The following CDK8 variants were observed in gnomAD, a reference collection of about 807,000 sequenced individuals.
CDK8 encodes the protein cyclin-dependent kinase 8.
CDK8 carries 29 observed loss-of-function variants against 71.5 expected under a neutral mutation model. The observed-to-expected ratio is 0.41, with a 90% CI of 0.30 to 0.55. CDK8 has a LOEUF of 0.55. Among genes scored for constraint, CDK8 ranks in the 20% least tolerant of loss-of-function variants. CDK8 has a pLI of 0.37. For missense variants in CDK8, 288 were observed against 572.6 expected (o/e 0.50, Z 5.07); for synonymous variants, 161 against 192.1 (o/e 0.84, Z 1.34).
chr13:26,348,978 G>C (rs558366471), intron 2 of CDK8, 94 bp from the exon 3 acceptor site: 1 of 781,354 alleles, frequency 1.3e-6, no homozygotes, highest in South Asian at 1.4e-5. Flanking sequence ...TTGTTTACCT[G>C]TGGGTTTGTA....
At chr13:26,322,355 C>CGCTG (rs2137949392) in intron 1 of CDK8, among the ~76,000 whole-genome samples, 2 of 152,228 alleles carry the variant, frequency 1.3e-5, no homozygotes, top group Admixed American at 1.3e-4. Context: ...TTGTGAGATT[C>CGCTG]GCTGGCTGCT....
At position 26,343,533 on chromosome 13, in the gene CDK8, A is replaced by G. The variant is rs192598834; in HGVS notation, c.205-5539A>G. ...TTCGCCCCAAATTCTTTCTTGTTCA[A>G]GGTCCCCCCAAAACAAAGATAAAAA... On this transcript the variant is annotated intron_variant, in intron 2 of 12. Coordinates refer to ENST00000381527, the MANE Select transcript of CDK8 (RefSeq NM_001260.3). Among the ~76,000 whole-genome samples, 91 of 152,222 alleles carry G rather than the reference A, an allele frequency of 6.0e-4. 1 individual carries two copies. The highest frequency in any genetic ancestry group is 5.1e-3 in the Admixed American group (78 of 15,294).
chr13:26,401,319 A>G lies in CDK8; in HGVS notation c.1082A>G (p.Glu361Gly). 6.2e-7 allele frequency: 1 copy of G among 1,614,146 alleles called. No homozygotes were observed. The change falls in exon 11 of 13, where the codon GAA becomes GGA. Residue 361 changes from glutamate (E) to glycine (G), a missense_variant. By Grantham distance (98) the Glu-to-Gly change is moderately conservative. This residue lies in a region of CDK8 where 96 missense variants were observed against 229.8 expected (regional missense o/e 0.42). Transcript: ENST00000381527. This position sits in a 1 kb window ranked among gnomAD's most constrained non-coding sequence, Gnocchi z 4.5. ...TACCCAAAACGAGAATTTTTAACGG[A>G]AGAAGAACCTGATGACAAAGGAGAC... ...IPYPKREFLT[E>G]EEPDDKGDKK...
At chr13:26,282,097 G>A (rs1872776227) in intron 1 of CDK8, among the ~76,000 whole-genome samples, 1 of 151,866 alleles carries the variant, frequency 6.6e-6, no homozygotes, top group Non-Finnish European at 1.5e-5. Flanking sequence ...AACTATAATT[G>A]GTGGTCCTGA....
In CDK8 at chr13:26,393,524, G is replaced by GTT. The variant is rs1565997944; in HGVS notation, c.790+18_790+19dup. Reference sequence around the variant, plus strand: ...GATTTCCTGCAGGTACACATTATTCGTTTTTGTTTTTGTTTTTAAATCACT... The same window carrying GTT: ...GATTTCCTGCAGGTACACATTATTCGTTTTTTTGTTTTTGTTTTTAAATCACT... On this transcript the variant is annotated intron_variant, in intron 7 of 12. Transcript: ENST00000381527. The GTT allele has an allele frequency of 1.2e-6, 2 of 1,610,046 alleles. No homozygotes were observed. Among genetic ancestry groups the GTT allele is most frequent in the South Asian group, 2.2e-5 (2 of 90,570 alleles).
rs368741298 is a variant in CDK8, at chr13:26,375,627, A to G, written c.457-7187A>G. On this transcript the variant is annotated intron_variant, in intron 4 of 12. Coordinates refer to ENST00000381527, the MANE Select transcript of CDK8 (RefSeq NM_001260.3). ...ATATATGCACAAAGTTCATTGCAGC[A>G]TTGTTTCTTAATTACAAGATATTGG... Among the ~76,000 whole-genome samples, 8 of 152,352 alleles carry G rather than the reference A, an allele frequency of 5.3e-5. No homozygotes were observed. The East Asian group carries it at 1.3e-3, about 26-fold the overall frequency.
At chr13:26,281,207 C>T (rs1412435270) in intron 1 of CDK8, among the ~76,000 whole-genome samples, 2 of 152,226 alleles carry the variant, frequency 1.3e-5, no homozygotes, top group African/African-American at 4.8e-5. Flanking sequence ...AACATATCTA[C>T]ATCCAAGGAC....
rs1050345570 is a variant in CDK8 at position 26,401,762 on chromosome 13, A to G, written c.1269+138A>G. 9 of 900,822 alleles carry G rather than the reference A, an allele frequency of 1.0e-5. No individual in the cohort carries two copies. The highest frequency in any genetic ancestry group is 1.6e-5 in the African/African-American group (1 of 60,784). 55.8% of individuals were successfully genotyped at this position (900,822 alleles called of 1,614,324 possible). A position where few individuals can be genotyped will look rare whatever the true frequency, so the allele number is the denominator to read the frequency against. ...TACATTAACATGAAATGTTACTGGCATGGAAAAGTACTGACAGTGGTATGG... is the reference window on the plus strand; with the variant it reads ...TACATTAACATGAAATGTTACTGGCGTGGAAAAGTACTGACAGTGGTATGG... On this transcript the variant is annotated intron_variant, in intron 12 of 12. Coordinates refer to ENST00000381527, the MANE Select transcript of CDK8 (RefSeq NM_001260.3). This position sits in a 1 kb window ranked among gnomAD's most constrained non-coding sequence, Gnocchi z 4.5.
intron 1 of CDK8, among the ~76,000 whole-genome samples, chr13:26,273,629 T>C (rs1872431454): frequency 6.6e-6 from 1 of 150,882 alleles, no homozygotes; most frequent in South Asian, 2.1e-4. Context: ...TTGTAAAACA[T>C]TAGCCATCAT....
chr13:26,314,285 GAAT>G (rs1458749480), intron 1 of CDK8, among the ~76,000 whole-genome samples: 5 of 152,046 alleles, frequency 3.3e-5, no homozygotes, highest in Non-Finnish European at 7.4e-5. Flanking sequence ...ATAACTTTCA[GAAT>G]AGGTCTCTTC....
At chr13:26,262,416 C>A (rs1871811353) in intron 1 of CDK8, among the ~76,000 whole-genome samples, 1 of 152,090 alleles carries the variant, frequency 6.6e-6, no homozygotes, top group African/African-American at 2.4e-5. Flanking sequence ...ATCTGAAATT[C>A]ATGTTTGAAA....
In CDK8 at chr13:26,385,345, GA is replaced by G; in HGVS notation, c.646+4del. 1 of 1,585,988 alleles carries G rather than the reference GA, an allele frequency of 6.3e-7. No individual in the cohort carries two copies. ...AAGGCATTATACCAAAGCTATTGGTGAGTAGAACTAATTAAAATTCCATGAG... is the reference window on the plus strand; with the variant it reads ...AAGGCATTATACCAAAGCTATTGGTGGTAGAACTAATTAAAATTCCATGAG... On this transcript the variant is annotated splice_donor_region_variant and intron_variant, in intron 6 of 12. Coordinates refer to ENST00000381527, the MANE Select transcript of CDK8 (RefSeq NM_001260.3).
At chr13:26,264,240 T>TA (rs1260692524) in intron 1 of CDK8, among the ~76,000 whole-genome samples, 1 of 151,896 alleles carries the variant, frequency 6.6e-6, no homozygotes, top group African/African-American at 2.4e-5. Flanking sequence ...TGGCATTTCA[T>TA]TATGGTTTGC....
Position 26,374,043 on chromosome 13 carries a change from A to AAAAAAT in CDK8, c.457-8770_457-8769insAAAATA, listed in dbSNP as rs147290719. On this transcript the variant is annotated intron_variant, in intron 4 of 12. Transcript: ENST00000381527. ...AAAAAAAAAAAAAAAAAAAACAAAA[A>AAAAAAT]ACAAAAAATTAGCTGGGCGTGGTGG... 1.2e-4 allele frequency among the ~76,000 whole-genome samples: 13 copies of AAAAAAT among 111,856 alleles called. 5 individuals carry two copies. Among genetic ancestry groups the AAAAAAT allele is most frequent in the Admixed American group, 2.2e-4 (2 of 9,130 alleles). 73.4% of individuals were successfully genotyped at this position (111,856 alleles called of 152,430 possible).
chr13:26,314,939 A>G (rs1432070244), intron 1 of CDK8, among the ~76,000 whole-genome samples: 6 of 152,108 alleles, frequency 3.9e-5, no homozygotes, highest in Non-Finnish European at 1.5e-5. Flanking sequence ...TCAATTTAAT[A>G]TTGCTAGCAA....
chr13:26,298,153 A>ACAAATATTTGTATC (rs1873651645), intron 1 of CDK8, among the ~76,000 whole-genome samples: 1 of 152,160 alleles, frequency 6.6e-6, no homozygotes, highest in South Asian at 2.1e-4. Flanking sequence ...TTGCAGGGAT[A>ACAAATATTTGTATC]CAAATATTTG....
rs1384720823 is a variant in CDK8 at position 26,362,262 on chromosome 13, GGATGGATA to G, written c.456+8386_456+8393del. Among the ~76,000 whole-genome samples the G allele has an allele frequency of 5.8e-3, 867 of 148,470 alleles. 9 individuals are homozygous for G. Among genetic ancestry groups the G allele is most frequent in the African/African-American group, 0.021 (819 of 39,252 alleles). On this transcript the variant is annotated intron_variant, in intron 4 of 12. Coordinates refer to ENST00000381527, the MANE Select transcript of CDK8 (RefSeq NM_001260.3). Reference sequence around the variant, plus strand: ...TGGATGGATGGATGGATGGATGGATGGATGGATAGATAGATGAATGACAGAGCATTTGC... The same window carrying G: ...TGGATGGATGGATGGATGGATGGATGGATAGATGAATGACAGAGCATTTGC...
intron 4 of CDK8, among the ~76,000 whole-genome samples, chr13:26,377,952 A>G (rs1875033254): frequency 6.6e-6 from 1 of 152,230 alleles, no homozygotes; most frequent in Non-Finnish European, 1.5e-5. Flanking sequence ...TTAATTCTGG[A>G]CAAATGACAG....
intron 1 of CDK8, among the ~76,000 whole-genome samples, chr13:26,312,248 G>C (rs1874318568): frequency 6.6e-6 from 1 of 152,172 alleles, no homozygotes; most frequent in South Asian, 2.1e-4. Flanking sequence ...AGCAGAATGT[G>C]GGTGGGGACA....
Sources: gnomAD v4.1 joint callset for allele counts (sites outside exome capture counted in the v4.1 genomes callset) on GRCh38, gnomAD v4.1.1 for gene constraint, gnomAD v4.1.1 regional missense constraint, Gnocchi (gnomAD v3.1) non-coding constraint, MANE v1.5 for transcripts, NCBI Gene and HGNC (gene_info 2026-07-23, HGNC 2026-07-21) for gene names.